TJP2: variants seen among roughly 807,000 people sequenced by gnomAD.
TJP2 encodes the protein Friedreich ataxia region gene X104 (tight junction protein ZO-2).
In TJP2, 91 loss-of-function variants were observed where a neutral mutation model predicts 133.1. The ratio of observed to expected loss-of-function variants is 0.68; its 90% confidence interval spans 0.58 to 0.81. TJP2 has a LOEUF of 0.81. Ranked by LOEUF, TJP2 falls within the 40% of genes least tolerant of loss-of-function variation. TJP2 has a pLI of 0.00. For synonymous variants in TJP2, 592 were observed against 583.4 expected (o/e 1.01, Z -0.21); for missense variants, 1,541 against 1,565.6 (o/e 0.98, Z 0.26).
rs930523968 is a variant in TJP2 at position 69,174,410 on chromosome 9, G to A, written c.38G>A (p.Arg13Gln). The A allele has an allele frequency of 2.6e-6, 4 of 1,551,740 alleles. No homozygotes were observed. Among genetic ancestry groups the A allele is most frequent in the Non-Finnish European group, 3.5e-6 (4 of 1,147,158 alleles). ...VRGDRGFPPR[R>Q]ELSGWLRAPG... is the part of the protein sequence containing the mutation. The stretch of plus-strand genomic sequence containing the variant: ...GGAGACCGCGGGTTTCCACCCCGGC[G>A]GGAGCTGTCAGGTTGGCTCCGCGTA... The change falls in exon 1 of 23, where the codon CGG (arginine) becomes CAG (glutamine). Residue 13 changes from arginine (R) to glutamine (Q), a missense_variant. Transcript: ENST00000377245.
At chr9:69,224,264 A>C (rs547631835) in intron 5 of TJP2, among the ~76,000 whole-genome samples, 49 of 152,318 alleles carry the variant, frequency 3.2e-4, no homozygotes, top group Non-Finnish European at 5.1e-4. Flanking sequence ...GCCAAGCTTC[A>C]TATAATCTAA....
At chr9:69,233,386 T>G (rs1829933131) in intron 11 of TJP2, among the ~76,000 whole-genome samples, 1 of 152,262 alleles carries the variant, frequency 6.6e-6, no homozygotes, top group Non-Finnish European at 1.5e-5. Context: ...TTTATATCTT[T>G]ATTTCTACAA....
chr9:69,206,703 G>T (rs1379216109), intron 1 of TJP2, among the ~76,000 whole-genome samples: 1 of 151,830 alleles, frequency 6.6e-6, no homozygotes, highest in East Asian at 1.9e-4. Flanking sequence ...TCAGCCTCCC[G>T]AGTAGCTGGG....
In TJP2 at chr9:69,246,781, T is replaced by A. The variant is rs770979406; in HGVS notation, c.2658T>A (p.Ser886=). 2 of 1,614,070 alleles carry A rather than the reference T, an allele frequency of 1.2e-6. No homozygotes were observed. The highest frequency in any genetic ancestry group is 8.5e-7 in the Non-Finnish European group (1 of 1,179,952). The change falls in exon 18 of 23, where the codon TCT becomes TCA. Residue 886 remains serine, a synonymous_variant. Transcript: ENST00000377245. Reference sequence around the variant, plus strand: ...AGCAAGGAGAAGCGGTTTGGGTCTCTGAAGGAAAGGTATGTGGCATAGATA... The same window carrying A: ...AGCAAGGAGAAGCGGTTTGGGTCTCAGAAGGAAAGGTATGTGGCATAGATA... ...QHQQGEAVWV[S]EGKMEGMDDD... is the part of the protein sequence containing the mutation.
intron 1 of TJP2, chr9:69,205,215 G>C: frequency 6.5e-7 from 1 of 1,537,230 alleles, no homozygotes; most frequent in South Asian, 1.2e-5. Flanking sequence ...TTAAAAAGTT[G>C]AGGAGATGGA....
intron 1 of TJP2, among the ~76,000 whole-genome samples, chr9:69,145,357 G>A (rs1361558938): frequency 6.6e-6 from 1 of 152,192 alleles, no homozygotes; most frequent in Non-Finnish European, 1.5e-5. Context: ...CACCTCATGA[G>A]CCATTAGTTC....
intron 1 of TJP2, among the ~76,000 whole-genome samples, chr9:69,192,346 G>A (rs1265338853): frequency 2.0e-5 from 3 of 152,100 alleles, no homozygotes; most frequent in East Asian, 1.9e-4. Context: ...ACCCTGTGAG[G>A]TGAGTGTTAT....
chr9:69,129,470 C>T (rs990669192), intron 1 of TJP2, among the ~76,000 whole-genome samples: 7 of 151,890 alleles, frequency 4.6e-5, no homozygotes, highest in African/African-American at 1.5e-4. Flanking sequence ...GTGATTGCAC[C>T]ACTGCACTCC....
At chr9:69,205,742 A>G (rs1460627376) in intron 1 of TJP2, among the ~76,000 whole-genome samples, 5 of 152,218 alleles carry the variant, frequency 3.3e-5, no homozygotes, top group Non-Finnish European at 5.9e-5. Flanking sequence ...TTTATGAAGC[A>G]TGTCCCTTAC....
intron 1 of TJP2, among the ~76,000 whole-genome samples, chr9:69,187,192 A>G (rs1419539601): frequency 6.6e-6 from 1 of 152,220 alleles, no homozygotes; most frequent in African/African-American, 2.4e-5. Context: ...ACACATGTCT[A>G]TGTGGGGGAA....
intron 5 of TJP2, among the ~76,000 whole-genome samples, chr9:69,222,323 C>T (rs1450719553): frequency 6.6e-6 from 1 of 151,100 alleles, no homozygotes; most frequent in African/African-American, 2.4e-5. Flanking sequence ...ATTATAGGTG[C>T]CTGCCACCAC....
chr9:69,242,402 A>C (rs1373909322), intron 17 of TJP2, among the ~76,000 whole-genome samples: 1 of 152,226 alleles, frequency 6.6e-6, no homozygotes, highest in African/African-American at 2.4e-5. Context: ...AAATGTTTGT[A>C]ACTTACATTA....
At chr9:69,187,243 T>C (rs1825916528) in intron 1 of TJP2, among the ~76,000 whole-genome samples, 3 of 152,218 alleles carry the variant, frequency 2.0e-5, no homozygotes, top group Admixed American at 2.0e-4. Context: ...CAAATAACAA[T>C]TGCATTGTTG....
At chr9:69,231,146 G>C (rs1829748819) in intron 11 of TJP2, among the ~76,000 whole-genome samples, 1 of 151,972 alleles carries the variant, frequency 6.6e-6, no homozygotes, top group African/African-American at 2.4e-5. Flanking sequence ...GTCTCGCTCT[G>C]TCACCCAGGC....
chr9:69,155,819 A>G (rs1325126177), intron 2 of TJP2, among the ~76,000 whole-genome samples: 2 of 152,216 alleles, frequency 1.3e-5, no homozygotes, highest in African/African-American at 2.4e-5. Context: ...AGGATGTGGC[A>G]GAAGGCCTGA....
chr9:69,174,996 T>C (rs1824972137), intron 1 of TJP2, among the ~76,000 whole-genome samples: 1 of 152,034 alleles, frequency 6.6e-6, no homozygotes, highest in Non-Finnish European at 1.5e-5. Flanking sequence ...TGCTTTGTAT[T>C]CTAGTACTAG....
At chr9:69,242,218 G>A (rs565483203) in intron 17 of TJP2, among the ~76,000 whole-genome samples, 3 of 152,154 alleles carry the variant, frequency 2.0e-5, no homozygotes, top group East Asian at 3.9e-4. Context: ...CACAGGCCAC[G>A]GTAGCTGGCT....
intron 2 of TJP2, among the ~76,000 whole-genome samples, chr9:69,214,912 A>G (rs1025954227): frequency 6.6e-6 from 1 of 151,894 alleles, no homozygotes; most frequent in African/African-American, 2.4e-5. Context: ...TTTTCACTGT[A>G]TGTTGAAATG....
At chr9:69,156,329 T>C (rs1327148507) in intron 2 of TJP2, among the ~76,000 whole-genome samples, 2 of 152,034 alleles carry the variant, frequency 1.3e-5, no homozygotes, top group African/African-American at 2.4e-5. Flanking sequence ...GCCACTGCAC[T>C]CCAGCCTGCG....
Sources: gnomAD v4.1 joint callset for allele counts (sites outside exome capture counted in the v4.1 genomes callset) on GRCh38, gnomAD v4.1.1 for gene constraint, MANE v1.5 for transcripts, NCBI Gene and HGNC (gene_info 2026-07-23, HGNC 2026-07-21) for gene names.